The following KIF26A variants were observed in gnomAD, a reference collection of about 807,000 sequenced individuals.
KIF26A encodes kinesin-like protein KIF26A.
In KIF26A, 74 loss-of-function variants were observed where a neutral mutation model predicts 126.0. The ratio of observed to expected loss-of-function variants is 0.59; its 90% CI spans 0.49 to 0.71. The LOEUF is 0.71. Ranked by LOEUF, KIF26A falls within the 30% of genes least tolerant of loss-of-function variation. The pLI is 0.00. For missense variants in KIF26A, 2,984 were observed against 2,763.3 expected, an observed-to-expected ratio of 1.08 and a Z score of -1.79; for synonymous variants, 1,445 against 1,232.7, an observed-to-expected ratio of 1.17 and a Z score of -3.61.
chr14:104,166,685 T>C (rs931053483), intron 4 of KIF26A, among the ~76,000 whole-genome samples, 174 bp from the exon 5 acceptor site: 3 of 152,230 alleles, frequency 2.0e-5, no homozygotes, highest in African/African-American at 7.2e-5. Flanking sequence ...GGCCCCAGCC[T>C]GAACCGTCCA....
Position 104,179,729 on chromosome 14 carries a change from G to C in KIF26A, c.5588G>C (p.Cys1863Ser), listed in dbSNP as rs368547145. ...AAGGCGCACGTCATGATGGTCACCT[G>C]CTTCGACATCAGCGTTGCAGCCAGT... ...LCKAHVMMVT[C>S]FDISVAASAA... Residue 1863 changes from cysteine to serine, a missense_variant, in exon 15 of 15, where the codon TGC becomes TCC. Cys to Ser is a moderately radical substitution (Grantham distance 112). Coordinates refer to ENST00000423312, the MANE Select transcript of KIF26A (RefSeq NM_015656.2). 1.3e-5 allele frequency: 20 copies of C among 1,553,968 alleles called. No homozygotes were observed. The highest frequency in any genetic ancestry group is 1.7e-5 in the Non-Finnish European group (19 of 1,149,394).
chr14:104,152,182 T>G lies in KIF26A; in HGVS notation c.456T>G (p.Leu152=). The change falls in exon 3 of 15, where the codon CTT becomes CTG. Residue 152 remains leucine, a synonymous_variant. Transcript: ENST00000423312. The surrounding 1 kb of genome is among the most constrained non-coding windows in gnomAD (Gnocchi z 5.9). ...LLQAPASHED[L]DAPHGGPSLA... Reference sequence around the variant, plus strand: ...AGGCCCCTGCCAGCCATGAGGACCTTGACGCCCCCCATGGAGGCCCCAGCC... The same window carrying G: ...AGGCCCCTGCCAGCCATGAGGACCTGGACGCCCCCCATGGAGGCCCCAGCC... The G allele has an allele frequency of 6.2e-7, 1 of 1,608,380 alleles. No homozygotes were observed. The highest frequency in any genetic ancestry group is 1.3e-5 in the African/African-American group (1 of 74,922).
At chr14:104,165,707 G>GTA (rs537412036) in intron 4 of KIF26A, among the ~76,000 whole-genome samples, 7 of 148,402 alleles carry the variant, frequency 4.7e-5, no homozygotes, top group African/African-American at 1.8e-4. Flanking sequence ...CTCTGTCTCT[G>GTA]TGCATATGTG....
rs978978160 is a variant in KIF26A at position 104,148,331 on chromosome 14, G to A, written c.289-3684G>A. Among the ~76,000 whole-genome samples the A allele has an allele frequency of 2.0e-5, 3 of 152,198 alleles. No individual in the cohort carries two copies. Among genetic ancestry groups the A allele is most frequent in the Non-Finnish European group, 4.4e-5 (3 of 68,046 alleles). ...AAATGAAGAAAAACATTTTCCAAAT[G>A]CAAGTAAAGTATCTGTGTAATTAGA... On this transcript the variant is annotated intron_variant, in intron 2 of 14. Transcript: ENST00000423312. The surrounding 1 kb of genome is among the most constrained non-coding windows in gnomAD (Gnocchi z 4.3).
chr14:104,161,343 C>T (rs927507844), intron 4 of KIF26A, among the ~76,000 whole-genome samples: 3 of 152,118 alleles, frequency 2.0e-5, no homozygotes, highest in East Asian at 1.9e-4. Context: ...CCACCAGCCT[C>T]GCACGGCCCA....
intron 2 of KIF26A, among the ~76,000 whole-genome samples, chr14:104,141,595 G>A (rs1023957817): frequency 2.1e-5 from 3 of 144,656 alleles, no homozygotes; most frequent in Non-Finnish European, 3.0e-5. Flanking sequence ...GTAGAGGGTC[G>A]GGGCCCAGCC....
rs61744299 is a variant in KIF26A, at chr14:104,173,142, G to T, written c.1586G>T (p.Ser529Ile). 6.2e-7 allele frequency: 1 copy of T among 1,610,264 alleles called. No homozygotes were observed. The highest frequency in any genetic ancestry group is 1.3e-5 in the African/African-American group (1 of 74,884). ...GTGGAGGTGTGCGGGCGCGACCAGA[G>T]CCTGCGGGACCTGCTGGCCGAGGTG... Reference protein sequence around the residue: ...SAVEVCGRDQSLRDLLAEVAP... With the variant: ...SAVEVCGRDQILRDLLAEVAP... The change falls in exon 8 of 15, where the codon AGC becomes ATC. Residue 529 changes from serine (S) to isoleucine (I), a missense_variant. Ser to Ile is a moderately radical substitution (Grantham distance 142). Transcript: ENST00000423312.
Position 104,179,725 on chromosome 14 carries a change from A to G in KIF26A, c.5584A>G (p.Thr1862Ala). Reference sequence around the variant, plus strand: ...GTGCAAGGCGCACGTCATGATGGTCACCTGCTTCGACATCAGCGTTGCAGC... The same window carrying G: ...GTGCAAGGCGCACGTCATGATGGTCGCCTGCTTCGACATCAGCGTTGCAGC... ...NLCKAHVMMV[T>A]CFDISVAASA... Residue 1862 changes from threonine to alanine, a missense_variant, in exon 15 of 15, where the codon ACC (threonine) becomes GCC (alanine). Coordinates refer to ENST00000423312, the MANE Select transcript of KIF26A (RefSeq NM_015656.2). 6.4e-7 allele frequency: 1 copy of G among 1,553,132 alleles called. No homozygotes were observed. The highest frequency in any genetic ancestry group is 8.7e-7 in the Non-Finnish European group (1 of 1,148,882).
intron 13 of KIF26A, 93 bp from the exon 14 acceptor site, chr14:104,179,143 C>T: frequency 2.3e-6 from 3 of 1,328,484 alleles, no homozygotes; most frequent in Non-Finnish European, 2.9e-6. Context: ...CAAGGCCTGG[C>T]AGGTGAAGGG....
At chr14:104,154,614 G>A (rs1266469474) in intron 3 of KIF26A, among the ~76,000 whole-genome samples, 1 of 152,238 alleles carries the variant, frequency 6.6e-6, no homozygotes, top group Non-Finnish European at 1.5e-5. Context: ...CTCCTGCCCT[G>A]AGAGCTCTGG....
At chr14:104,144,492 G>A (rs2141089436) in intron 2 of KIF26A, among the ~76,000 whole-genome samples, 1 of 152,330 alleles carries the variant, frequency 6.6e-6, no homozygotes, top group South Asian at 2.1e-4. Flanking sequence ...GCTTGTGAGG[G>A]TTTGGAGTGG....
intron 13 of KIF26A, 51 bp downstream of exon 13, chr14:104,178,806 G>T: frequency 9.2e-7 from 1 of 1,087,910 alleles, no homozygotes; most frequent in African/African-American, 1.6e-5. Flanking sequence ...GGAGCCTGCC[G>T]CGGATGGCAG....
chr14:104,166,700 A>G (rs916196604), intron 4 of KIF26A, among the ~76,000 whole-genome samples, 159 bp from the exon 5 acceptor site: 13 of 152,148 alleles, frequency 8.5e-5, no homozygotes, highest in African/African-American at 2.9e-4. Flanking sequence ...CGTCCACTGT[A>G]GAAATGAAGT....
intron 3 of KIF26A, among the ~76,000 whole-genome samples, chr14:104,155,352 C>T (rs1240568572): frequency 3.3e-5 from 5 of 152,214 alleles, no homozygotes; most frequent in Admixed American, 1.3e-4. Context: ...CCCGAGGTTG[C>T]AGGTGCTCTC....
intron 2 of KIF26A, among the ~76,000 whole-genome samples, chr14:104,142,842 G>A (rs907166393): frequency 7.9e-5 from 12 of 152,196 alleles, no homozygotes; most frequent in Admixed American, 1.3e-4. Context: ...ATGACTGAAT[G>A]ACCAGGCTTT....
At position 104,139,112 on chromosome 14, in the gene KIF26A, G is replaced by C. The variant is rs983810731; in HGVS notation, c.112G>C (p.Ala38Pro). The C allele has an allele frequency of 2.0e-6, 3 of 1,480,214 alleles. No homozygotes were observed. The highest frequency in any genetic ancestry group is 2.7e-6 in the Non-Finnish European group (3 of 1,117,234). The allele number at this position is 1,480,214 out of a possible 1,614,324, so 91.7% of individuals were successfully genotyped here. The part of the protein sequence containing the change: ...LEVSPRKRLP[A>P]GPDQDPCGSR... ...GGTGTCCCCCCGAAAGAGGCTACCC[G>C]CCGGGCCCGACCAGGACCCATGCGG... is the stretch of plus-strand genomic sequence containing the variant. The change falls in exon 2 of 15, where the codon GCC becomes CCC. Residue 38 changes from alanine to proline, a missense_variant. Ala to Pro is a conservative substitution (Grantham distance 27). Transcript: ENST00000423312.
chr14:104,163,342 G>A (rs1165422093), intron 4 of KIF26A, among the ~76,000 whole-genome samples: 1 of 152,188 alleles, frequency 6.6e-6, no homozygotes, highest in Non-Finnish European at 1.5e-5. Context: ...CCCTCTGCCC[G>A]GGCTTCTTGC....
chr14:104,145,893 A>C (rs774285234), intron 2 of KIF26A, among the ~76,000 whole-genome samples: 12 of 151,920 alleles, frequency 7.9e-5, no homozygotes, highest in Admixed American at 6.5e-4. Context: ...ATTTGCCTTC[A>C]CCAGGAAGAA....
intron 10 of KIF26A, 86 bp downstream of exon 10, chr14:104,173,954 T>G: frequency 6.8e-7 from 1 of 1,470,792 alleles, no homozygotes; most frequent in Non-Finnish European, 9.1e-7. Flanking sequence ...GGTGCTGCTG[T>G]GGCCCCCAGC....
Sources: allele counts gnomAD v4.1 joint callset (sites outside exome capture counted in the v4.1 genomes callset), GRCh38; gene constraint gnomAD v4.1.1; non-coding constraint Gnocchi (gnomAD v3.1); transcripts MANE v1.5; gene names NCBI Gene and HGNC (gene_info 2026-07-23, HGNC 2026-07-21).